HBS1L: variants seen among roughly 807,000 people sequenced by gnomAD.
HBS1L encodes HBS1 like translational GTPase.
In HBS1L, 55 loss-of-function variants were observed where a neutral mutation model predicts 88.9. That is an observed-to-expected ratio of 0.62 (90% CI 0.50 to 0.77). HBS1L has a LOEUF of 0.77. Ranked by LOEUF, HBS1L falls within the 30% of genes least tolerant of loss-of-function variation. The pLI is 0.00. For missense variants in HBS1L, 741 were observed against 829.3 expected (o/e 0.89, Z 1.31); for synonymous variants, 267 against 288.5 (o/e 0.93, Z 0.76).
At chr6:134,979,388 G>A in intron 13 of HBS1L, 120 bp from the exon 14 acceptor site, 2 of 697,142 alleles carry the variant, frequency 2.9e-6, no homozygotes, top group African/African-American at 1.8e-5. Context: ...CAATATGAAT[G>A]GATTGAGAGT....
At chr6:134,971,355 C>T (rs775658109) in intron 15 of HBS1L, among the ~76,000 whole-genome samples, 8 of 152,124 alleles carry the variant, frequency 5.3e-5, no homozygotes, top group Non-Finnish European at 1.0e-4. Flanking sequence ...AGAAACATTT[C>T]GTTTGTAACA....
chr6:135,008,974 C>T (rs1055002198), intron 4 of HBS1L, among the ~76,000 whole-genome samples: 3 of 152,080 alleles, frequency 2.0e-5, no homozygotes, highest in Non-Finnish European at 4.4e-5. Flanking sequence ...TCTTAGATGG[C>T]AATAACCTCC....
At position 135,042,812 on chromosome 6, in the gene HBS1L, TCAAAAAAAAAAAA is replaced by T. The variant is rs777659786; in HGVS notation, c.110-699_110-687del. Among the ~76,000 whole-genome samples the T allele has an allele frequency of 9.4e-3, 1,000 of 106,028 alleles. 12 individuals are homozygous for T. The highest frequency in any genetic ancestry group is 0.04 in the African/African-American group (932 of 23,364). 69.6% of individuals were successfully genotyped at this position (106,028 alleles called of 152,430 possible). On this transcript the variant is annotated intron_variant, in intron 2 of 17. Transcript: ENST00000367837. Reference sequence around the variant, plus strand: ...TGGGTGACAAGAACAAAACTCCGTCTCAAAAAAAAAAAACAAAAAAAAAAAACAGAAAAGAAAA... The same window carrying T: ...TGGGTGACAAGAACAAAACTCCGTCTCAAAAAAAAAAAACAGAAAAGAAAA...
At position 135,002,770 on chromosome 6, in the gene HBS1L, G is replaced by C; in HGVS notation, c.503C>G (p.Ser168Cys). ...IVPKVAKMTV[S>C]GKKQTMGFEV... ...AAATCCCATAGTTTGCTTCTTTCCAGATACAGTCATTTTAGCAACTTTTGG... is the reference window on the plus strand; with the variant it reads ...AAATCCCATAGTTTGCTTCTTTCCACATACAGTCATTTTAGCAACTTTTGG... Residue 168 changes from serine to cysteine, a missense_variant, in exon 5 of 18, where the codon TCT becomes TGT. By Grantham distance (112) the Ser-to-Cys change is moderately radical. This residue lies in a region of HBS1L where 556 missense variants were observed against 598.4 expected (regional missense o/e 0.93). Coordinates refer to ENST00000367837, the MANE Select transcript of HBS1L (RefSeq NM_006620.4). The C allele has an allele frequency of 6.2e-7, 1 of 1,613,152 alleles. No individual in the cohort carries two copies.
At position 134,972,981 on chromosome 6, in the gene HBS1L, T is replaced by C. The variant is rs568295074; in HGVS notation, c.1798-3643A>G. On this transcript the variant is annotated intron_variant, in intron 15 of 17. Coordinates refer to ENST00000367837, the MANE Select transcript of HBS1L (RefSeq NM_006620.4). ...GAAAGTAGAGAAAATAGAACCCTTA[T>C]GCACTGCTGGTGGGAATGTAAAATG... 3.8e-3 allele frequency among the ~76,000 whole-genome samples: 581 copies of C among 152,340 alleles called. 3 individuals are homozygous for C. Among genetic ancestry groups the C allele is most frequent in the African/African-American group, 0.012 (517 of 41,590 alleles).
chr6:135,013,788 C>T (rs1775840137), intron 4 of HBS1L, among the ~76,000 whole-genome samples: 1 of 152,054 alleles, frequency 6.6e-6, no homozygotes, highest in South Asian at 2.1e-4. Flanking sequence ...AGACCAAACA[C>T]AAATTGAAAA....
At position 134,993,866 on chromosome 6, in the gene HBS1L, G is replaced by T; in HGVS notation, c.975C>A (p.Thr325=). The change falls in exon 8 of 18, where the codon ACC becomes ACA. Residue 325 remains threonine, a synonymous_variant. Coordinates refer to ENST00000367837, the MANE Select transcript of HBS1L (RefSeq NM_006620.4). ...ETGEERERGV[T]MDVGMTKFET... is the part of the protein sequence containing the mutation. ...CAAACTTTGTCATACCAACATCCATGGTTACTCCCCTTAAACAAAACATAA... is the reference window on the plus strand; with the variant it reads ...CAAACTTTGTCATACCAACATCCATTGTTACTCCCCTTAAACAAAACATAA... 6.4e-7 allele frequency: 1 copy of T among 1,559,618 alleles called. No individual in the cohort carries two copies. Among genetic ancestry groups the T allele is most frequent in the Non-Finnish European group, 8.8e-7 (1 of 1,133,850 alleles).
At chr6:135,020,936 T>C (rs958255899) in intron 4 of HBS1L, among the ~76,000 whole-genome samples, 5 of 151,912 alleles carry the variant, frequency 3.3e-5, no homozygotes, top group Admixed American at 1.3e-4. Flanking sequence ...AAATGGGTTT[T>C]TTCAAAAAGG....
At chr6:134,970,128 G>T (rs530476837) in intron 15 of HBS1L, among the ~76,000 whole-genome samples, 1 of 152,156 alleles carries the variant, frequency 6.6e-6, no homozygotes, top group Non-Finnish European at 1.5e-5. Context: ...GAACTTTGGG[G>T]CAAGTTATTT....
intron 8 of HBS1L, among the ~76,000 whole-genome samples, chr6:134,988,444 C>CAA (rs35138728): frequency 8.4e-5 from 10 of 119,286 alleles, no homozygotes; most frequent in African/African-American, 2.4e-4. Context: ...GAATCTTTAC[C>CAA]AAAAAAAAAA....
chr6:135,011,504 A>G (rs1322991487), intron 4 of HBS1L, among the ~76,000 whole-genome samples: 3 of 152,224 alleles, frequency 2.0e-5, no homozygotes, highest in Non-Finnish European at 4.4e-5. Context: ...TGAACAACAG[A>G]GCGAGGCATT....
At chr6:134,976,925 A>G (rs1229736253) in intron 15 of HBS1L, among the ~76,000 whole-genome samples, 1 of 152,076 alleles carries the variant, frequency 6.6e-6, no homozygotes, top group Non-Finnish European at 1.5e-5. Flanking sequence ...CAAATAAATA[A>G]AAAACAAAGG....
chr6:134,978,835 A>T, intron 14 of HBS1L, 48 bp from the exon 15 acceptor site: 1 of 1,114,812 alleles, frequency 9.0e-7, no homozygotes, highest in Non-Finnish European at 1.3e-6. Flanking sequence ...GGACAAATTT[A>T]CATCAAATAG....
At chr6:134,973,645 G>GT (rs969541542) in intron 15 of HBS1L, among the ~76,000 whole-genome samples, 1 of 152,054 alleles carries the variant, frequency 6.6e-6, no homozygotes, top group Admixed American at 6.6e-5. Flanking sequence ...GTGAAACCCC[G>GT]TCTCCACTAA....
intron 9 of HBS1L, among the ~76,000 whole-genome samples, chr6:134,987,088 T>C (rs1774999181): frequency 6.6e-6 from 1 of 152,074 alleles, no homozygotes; most frequent in South Asian, 2.1e-4. Flanking sequence ...TAAATACATA[T>C]GCAGGAAATG....
chr6:134,975,406 A>G (rs1774614508), intron 15 of HBS1L, among the ~76,000 whole-genome samples: 1 of 152,178 alleles, frequency 6.6e-6, no homozygotes, highest in Non-Finnish European at 1.5e-5. Flanking sequence ...AGAAAAAACA[A>G]TCCTAAAATT....
At chr6:135,007,598 C>T (rs1444683078) in intron 4 of HBS1L, among the ~76,000 whole-genome samples, 1 of 152,172 alleles carries the variant, frequency 6.6e-6, no homozygotes, top group African/African-American at 2.4e-5. Context: ...TTACTGAATA[C>T]ATTACAAATT....
intron 4 of HBS1L, among the ~76,000 whole-genome samples, chr6:135,023,360 T>G (rs62431126): frequency 5.1e-4 from 77 of 151,978 alleles, no homozygotes; most frequent in African/African-American, 1.9e-3. Context: ...AGGAGAGTGG[T>G]GTGAACCCCA....
rs941032816 is a variant in HBS1L, at chr6:135,037,894, T to A, written c.430+1679A>T. 5.8e-5 allele frequency: 90 copies of A among 1,551,100 alleles called. 1 individual carries two copies. The highest frequency in any genetic ancestry group is 1.7e-4 in the Middle Eastern group (1 of 6,008). ...ACAGTGAGTTGGAACTGAAGAATTA[T>A]GAGATAATCCGTATTTTCCTACTGA... On this transcript the variant is annotated intron_variant, in intron 4 of 17. Coordinates refer to ENST00000367837, the MANE Select transcript of HBS1L (RefSeq NM_006620.4).
Sources: gnomAD v4.1 joint callset for allele counts (sites outside exome capture counted in the v4.1 genomes callset) on GRCh38, gnomAD v4.1.1 for gene constraint, gnomAD v4.1.1 regional missense constraint, MANE v1.5 for transcripts, NCBI Gene and HGNC (gene_info 2026-07-23, HGNC 2026-07-21) for gene names.